Variants in HSF1 observed in about 807,000 individuals in gnomAD.
HSF1 encodes heat shock factor protein 1.
Under a neutral mutation model 51.7 loss-of-function variants are expected in HSF1, and 32 were observed. That is an observed-to-expected ratio of 0.62 (90% CI 0.47 to 0.83). HSF1 has a LOEUF of 0.83. Among genes scored for constraint, HSF1 ranks in the 40% least tolerant of loss-of-function variants. The pLI, the probability that HSF1 is intolerant of heterozygous loss-of-function variation, is 0.00. For synonymous variants in HSF1, 396 were observed against 309.7 expected (o/e 1.28, Z -2.92); for missense variants, 727 against 717.0 (o/e 1.01, Z -0.16).
rs782645391 is a variant in HSF1, at chr8:144,311,955, G to A, written c.861-8G>A. 2.2e-5 allele frequency: 34 copies of A among 1,579,308 alleles called. No homozygotes were observed. Among genetic ancestry groups the A allele is most frequent in the East Asian group, 1.1e-4 (5 of 43,722 alleles). On this transcript the variant is annotated splice_region_variant and splice_polypyrimidine_tract_variant and intron_variant, in intron 8 of 12. Coordinates refer to ENST00000528838, the MANE Select transcript of HSF1 (RefSeq NM_005526.4). Reference sequence around the variant, plus strand: ...GACGCCAGCTCACCTGGCCCCCCTCGTGTGCAGGCCCCTATCCAGCAGCCC... The same window carrying A: ...GACGCCAGCTCACCTGGCCCCCCTCATGTGCAGGCCCCTATCCAGCAGCCC...
chr8:144,311,449 G>A (rs1816652231), intron 6 of HSF1, 56 bp from the exon 7 acceptor site: 10 of 1,612,316 alleles, frequency 6.2e-6, no homozygotes, highest in Non-Finnish European at 5.1e-6. Flanking sequence ...TCTGTCAGCT[G>A]TGCCCCGGGT....
chr8:144,309,618 C>T (rs782605573), intron 3 of HSF1, 27 bp downstream of exon 3: 39 of 1,611,592 alleles, frequency 2.4e-5, no homozygotes, highest in Admixed American at 1.5e-4. Flanking sequence ...CACCCTTGCC[C>T]GGTCTCACCT....
At chr8:144,293,200 C>T (rs1815219893) in intron 1 of HSF1, among the ~76,000 whole-genome samples, 1 of 152,220 alleles carries the variant, frequency 6.6e-6, no homozygotes, top group Admixed American at 6.5e-5. Flanking sequence ...TGAGGCTCTG[C>T]TTTACCTACA....
At chr8:144,312,717 C>A (rs1554845261) in intron 9 of HSF1, 6 of 1,534,702 alleles carry the variant, frequency 3.9e-6, no homozygotes, top group Non-Finnish European at 5.2e-6. Flanking sequence ...CCAGGGTTAG[C>A]GCTGACCCCA....
rs1554844508 is a variant in HSF1 at position 144,311,539 on chromosome 8, T to C, written c.661T>C (p.Ser221Pro). 6.2e-7 allele frequency: 1 copy of C among 1,613,670 alleles called. No individual in the cohort carries two copies. Among genetic ancestry groups the C allele is most frequent in the Non-Finnish European group, 8.5e-7 (1 of 1,179,964 alleles). ...LMLNDSGSAH[S>P]MPKYSRQFSL... is the part of the protein sequence containing the mutation. The stretch of plus-strand genomic sequence containing the variant: ...GCTGAACGACAGTGGCTCAGCACAT[T>C]CCATGCCCAAGTATAGCCGGCAGTT... The change falls in exon 7 of 13, where the codon TCC (serine) becomes CCC (proline). Residue 221 changes from serine to proline, a missense_variant. Ser to Pro is a moderately conservative substitution (Grantham distance 74). Around this residue, in one of 2 missense-constraint regions of HSF1, gnomAD observed 257 missense variants for 318.3 expected, o/e 0.81. Transcript: ENST00000528838.
intron 9 of HSF1, chr8:144,312,800 G>A: frequency 8.0e-7 from 1 of 1,242,784 alleles, no homozygotes; most frequent in Non-Finnish European, 1.1e-6. Flanking sequence ...AGCCTGGCCG[G>A]GCATGAGCGT....
At chr8:144,312,812 G>A (rs1196691860) in intron 9 of HSF1, 62 of 1,087,126 alleles carry the variant, frequency 5.7e-5, no homozygotes, top group South Asian at 2.7e-4. Flanking sequence ...CATGAGCGTC[G>A]GGCCTGGGCG....
intron 3 of HSF1, 57 bp downstream of exon 3, chr8:144,309,648 G>T (rs1466374618): frequency 2.7e-6 from 2 of 753,654 alleles, no homozygotes; most frequent in Admixed American, 2.1e-5. Flanking sequence ...CTCCCCGCCC[G>T]CCCCTCCCTG....
Position 144,314,582 on chromosome 8 carries a change from GGTT to G in HSF1, c.*256_*258del. On this transcript the variant is annotated 3_prime_UTR_variant, in exon 13 of 13. Transcript: ENST00000528838. ...CAGCCACACCTGGACTGACCCTGCA[GGTT>G]GTTCATAGTCAGAATTGTATTTTGG... The G allele has an allele frequency of 1.8e-6, 1 of 553,964 alleles. No homozygotes were observed. Among genetic ancestry groups the G allele is most frequent in the Non-Finnish European group, 3.2e-6 (1 of 309,592 alleles). The allele number at this position is 553,964 out of a possible 1,614,324, so 34.3% of individuals were successfully genotyped here.
At chr8:144,301,638 G>A (rs538429266) in intron 1 of HSF1, among the ~76,000 whole-genome samples, 13 of 151,800 alleles carry the variant, frequency 8.6e-5, no homozygotes, top group South Asian at 2.1e-4. Context: ...AGGCCAAGGC[G>A]GGCGGATCAC....
At chr8:144,305,029 C>A (rs1816121827) in intron 1 of HSF1, among the ~76,000 whole-genome samples, 1 of 151,444 alleles carries the variant, frequency 6.6e-6, no homozygotes, top group Non-Finnish European at 1.5e-5. Context: ...CTCACTGCAA[C>A]CTCTGCCTCC....
intron 2 of HSF1, 140 bp from the exon 3 acceptor site, chr8:144,309,315 A>C (rs1554843832): frequency 4.1e-6 from 5 of 1,233,296 alleles, no homozygotes. Context: ...CCACTCGGCC[A>C]CCCAGGCATG....
rs1554845074 is a variant in HSF1 at position 144,312,260 on chromosome 8, C to T, written c.1142+16C>T. ...GCCTGGACAAGTGAGTGCCGCCCAC[C>T]CCTGGCCCCACCCACAGCGCCTGGA... On this transcript the variant is annotated intron_variant, in intron 9 of 12. Coordinates refer to ENST00000528838, the MANE Select transcript of HSF1 (RefSeq NM_005526.4). The T allele has an allele frequency of 1.3e-6, 2 of 1,559,388 alleles. No individual in the cohort carries two copies. The highest frequency in any genetic ancestry group is 1.7e-6 in the Non-Finnish European group (2 of 1,149,860).
At chr8:144,305,723 ATTTTTTTTTTT>A (rs146075122) in intron 1 of HSF1, among the ~76,000 whole-genome samples, 1 of 78,492 alleles carries the variant, frequency 1.3e-5, no homozygotes, top group Non-Finnish European at 2.2e-5. Flanking sequence ...CCTCTGGTTA[ATTTTTTTTTTT>A]TTTTTTTTTT....
At position 144,309,035 on chromosome 8, in the gene HSF1, G is replaced by A. The variant is rs782087556; in HGVS notation, c.226+21G>A. 7 of 1,566,136 alleles carry A rather than the reference G, an allele frequency of 4.5e-6. No individual in the cohort carries two copies. In the Admixed American group the frequency reaches 6.7e-5, roughly 15 times the overall value. On this transcript the variant is annotated intron_variant, in intron 2 of 12. Coordinates refer to ENST00000528838, the MANE Select transcript of HSF1 (RefSeq NM_005526.4). ...CATGTGTGAGTGCTGCCTCCAGGCA[G>A]CGCAGGGGTGCGGGAGGCAGACCTG...
rs1299053211 is a variant in HSF1 at position 144,312,189 on chromosome 8, T to G, written c.1087T>G (p.Ser363Ala). 55 of 701,610 alleles carry G rather than the reference T, an allele frequency of 7.8e-5. No homozygotes were observed. The highest frequency in any genetic ancestry group is 3.2e-4 in the Middle Eastern group (1 of 3,146). The allele number at this position is 701,610 out of a possible 1,614,324, so 43.5% of individuals were successfully genotyped here. The part of the protein sequence containing the change: ...GHTDTEGRPP[S>A]PPPTSTPEKC... ...CACGGACACCGAGGGCCGGCCTCCC[T>G]CCCCCCCGCCCACCTCCACCCCTGA... Residue 363 changes from serine to alanine, a missense_variant, in exon 9 of 13, where the codon TCC (serine) becomes GCC (alanine). Transcript: ENST00000528838.
chr8:144,294,064 A>G (rs1170103961), intron 1 of HSF1, among the ~76,000 whole-genome samples: 1 of 151,782 alleles, frequency 6.6e-6, no homozygotes, highest in Non-Finnish European at 1.5e-5. Context: ...AGGGATGGGG[A>G]GCCAACTGGA....
At chr8:144,294,470 G>A (rs1019202970) in intron 1 of HSF1, among the ~76,000 whole-genome samples, 60 of 152,218 alleles carry the variant, frequency 3.9e-4, no homozygotes, top group African/African-American at 1.3e-3. Flanking sequence ...ATTCTGCCAA[G>A]AAAAACCCTC....
chr8:144,314,084 G>GCC, intron 12 of HSF1, 30 bp downstream of exon 12: 2 of 1,329,862 alleles, frequency 1.5e-6, no homozygotes, highest in Non-Finnish European at 2.0e-6. Flanking sequence ...CCCCACCTCT[G>GCC]CCCCCAACCC....
Sources: allele counts gnomAD v4.1 joint callset (sites outside exome capture counted in the v4.1 genomes callset), GRCh38; gene constraint gnomAD v4.1.1; regional missense constraint gnomAD v4.1.1; transcripts MANE v1.5; gene names NCBI Gene and HGNC (gene_info 2026-07-23, HGNC 2026-07-21).